The following COX10 variants were observed in gnomAD, a reference collection of about 807,000 sequenced individuals.
The protein encoded by COX10 is cytochrome c oxidase assembly factor heme A:farnesyltransferase COX10.
In COX10, 27 loss-of-function variants were observed where a neutral mutation model predicts 37.3. That is an observed-to-expected ratio of 0.72 (90% CI 0.53 to 1.00). The LOEUF is 1.00. Ranked by LOEUF, COX10 falls within the 50% of genes least tolerant of loss-of-function variation. The pLI, the probability that COX10 is intolerant of heterozygous loss-of-function variation, is 0.00. For synonymous variants in COX10, 222 were observed against 229.1 expected (o/e 0.97, Z 0.28); for missense variants, 475 against 563.2 (o/e 0.84, Z 1.59).
At chr17:14,134,776 GTT>G (rs201348544) in intron 4 of COX10, among the ~76,000 whole-genome samples, 5 of 142,134 alleles carry the variant, frequency 3.5e-5, no homozygotes, top group Non-Finnish European at 3.1e-5. Flanking sequence ...TGCCCTCGGT[GTT>G]TTTTTTTTTT....
chr17:14,159,766 G>T, intron 4 of COX10, 111 bp from the exon 5 acceptor site: 1 of 804,602 alleles, frequency 1.2e-6, no homozygotes, highest in Non-Finnish European at 2.1e-6. Flanking sequence ...ATTGATTTAT[G>T]CTATCGAAAT....
chr17:14,121,538 A>G (rs1916229524), intron 4 of COX10, among the ~76,000 whole-genome samples: 1 of 152,182 alleles, frequency 6.6e-6, no homozygotes, highest in African/African-American at 2.4e-5. Context: ...CACTACTTGT[A>G]GTTGTGTGAC....
chr17:14,095,486 C>T (rs1915627984), intron 3 of COX10, among the ~76,000 whole-genome samples: 1 of 152,160 alleles, frequency 6.6e-6, no homozygotes, highest in South Asian at 2.1e-4. Flanking sequence ...CTCTGTGTTG[C>T]TGGTAGACTA....
intron 4 of COX10, among the ~76,000 whole-genome samples, chr17:14,149,271 C>A (rs1368381990): frequency 6.6e-6 from 1 of 151,854 alleles, no homozygotes; most frequent in African/African-American, 2.4e-5. Context: ...CAATTAGTGC[C>A]CTTCAGATAC....
At chr17:14,116,784 A>T (rs1916123604) in intron 4 of COX10, among the ~76,000 whole-genome samples, 1 of 152,168 alleles carries the variant, frequency 6.6e-6, no homozygotes, top group South Asian at 2.1e-4. Flanking sequence ...CAGGGTTGTA[A>T]TAACCTCTCT....
chr17:14,178,965 G>A (rs542101482), intron 5 of COX10, among the ~76,000 whole-genome samples: 6 of 152,302 alleles, frequency 3.9e-5, no homozygotes, highest in East Asian at 3.9e-4. Context: ...CAGCTTCCAC[G>A]GGACTTTACG....
rs75771241 is a variant in COX10, at chr17:14,070,215, T to C, written c.43+567T>C. Among the ~76,000 whole-genome samples, 2 of 152,306 alleles carry C rather than the reference T, an allele frequency of 1.3e-5. 1 individual carries two copies. The highest frequency in any genetic ancestry group is 4.8e-5 in the African/African-American group (2 of 41,578). On this transcript the variant is annotated intron_variant, in intron 1 of 6. Transcript: ENST00000261643. ...ATGTATATTGGAGCTGGAATGTTCT[T>C]CCTTGACTCTTGGTAATGGCTCATC... is the stretch of plus-strand genomic sequence containing the variant.
intron 4 of COX10, among the ~76,000 whole-genome samples, chr17:14,106,448 A>G (rs1469862973): frequency 1.3e-5 from 2 of 152,226 alleles, no homozygotes; most frequent in African/African-American, 4.8e-5. Flanking sequence ...TCTTTTAGCT[A>G]AATCTTTGCA....
At chr17:14,206,108 G>A (rs758957988) in intron 6 of COX10, among the ~76,000 whole-genome samples, 5 of 152,138 alleles carry the variant, frequency 3.3e-5, no homozygotes, top group Non-Finnish European at 5.9e-5. Flanking sequence ...GAGGAATGTG[G>A]CAGGCTTGTG....
intron 5 of COX10, among the ~76,000 whole-genome samples, chr17:14,188,104 T>TC (rs1315090977): frequency 0.022 from 2,254 of 102,488 alleles, 23 homozygotes; most frequent in Non-Finnish European, 0.029. Context: ...TTCTTCTTCT[T>TC]TTTTTTTTTT....
intron 4 of COX10, 58 bp downstream of exon 4, chr17:14,102,300 A>T (rs534873179): frequency 1.9e-6 from 3 of 1,605,084 alleles, no homozygotes; most frequent in Non-Finnish European, 2.5e-6. Context: ...AGATGGCTGT[A>T]TTGTCATATT....
At chr17:14,177,169 G>C in intron 5 of COX10, 1 of 680,448 alleles carries the variant, frequency 1.5e-6, no homozygotes, top group Non-Finnish European at 2.7e-6. Flanking sequence ...TGCTGGGAGA[G>C]GAATGTCTCG....
At chr17:14,198,122 G>A (rs111718285) in intron 6 of COX10, among the ~76,000 whole-genome samples, 235 of 152,236 alleles carry the variant, frequency 1.5e-3, no homozygotes, top group Non-Finnish European at 2.8e-3. Context: ...AGGAACTGCC[G>A]CACTTGGTTT....
chr17:14,151,623 G>T (rs1379525265), intron 4 of COX10, among the ~76,000 whole-genome samples: 2 of 151,188 alleles, frequency 1.3e-5, no homozygotes, highest in African/African-American at 4.9e-5. Context: ...TGTTAAATTA[G>T]GTAACACCTT....
chr17:14,087,979 C>T (rs1391847515), intron 3 of COX10, among the ~76,000 whole-genome samples: 4 of 152,090 alleles, frequency 2.6e-5, no homozygotes, highest in Non-Finnish European at 5.9e-5. Context: ...CGACCCTCTA[C>T]CCCTTTCAGT....
chr17:14,190,320 G>A (rs1906161972), intron 5 of COX10, among the ~76,000 whole-genome samples: 1 of 152,170 alleles, frequency 6.6e-6, no homozygotes, highest in Non-Finnish European at 1.5e-5. Context: ...GATCCAGGGT[G>A]GGAATGTTGG....
chr17:14,196,977 C>T (rs906575500), intron 6 of COX10, among the ~76,000 whole-genome samples: 8 of 152,134 alleles, frequency 5.3e-5, no homozygotes, highest in African/African-American at 1.9e-4. Flanking sequence ...TGAGCCAAGA[C>T]ATCAAATACC....
intron 4 of COX10, among the ~76,000 whole-genome samples, chr17:14,103,393 T>G (rs1050524744): frequency 6.6e-6 from 1 of 152,186 alleles, no homozygotes; most frequent in African/African-American, 2.4e-5. Context: ...CTCTATTTGG[T>G]TATACATCTG....
At chr17:14,104,716 G>A (rs999918754) in intron 4 of COX10, among the ~76,000 whole-genome samples, 3 of 151,904 alleles carry the variant, frequency 2.0e-5, no homozygotes, top group Non-Finnish European at 2.9e-5. Flanking sequence ...CTATTTCTGT[G>A]ATCTCTGTGA....
Sources: gnomAD v4.1 joint callset for allele counts (sites outside exome capture counted in the v4.1 genomes callset) on GRCh38, gnomAD v4.1.1 for gene constraint, MANE v1.5 for transcripts, NCBI Gene and HGNC (gene_info 2026-07-23, HGNC 2026-07-21) for gene names.